Variants in QRICH1 observed in about 807,000 individuals in gnomAD.
QRICH1 encodes glutamine rich 1.
QRICH1 carries 16 observed loss-of-function variants against 87.1 expected under a neutral mutation model. The ratio of observed to expected loss-of-function variants is 0.18; its 90% confidence interval spans 0.12 to 0.28. QRICH1 has a LOEUF of 0.28. QRICH1 is among the 10% of genes least tolerant of loss of function. The pLI is 1.00. For synonymous variants in QRICH1, 367 were observed against 368.4 expected (o/e 1.00, Z 0.05); for missense variants, 647 against 951.7 (o/e 0.68, Z 4.21).
At chr3:49,063,200 A>G (rs1168883795) in intron 2 of QRICH1, among the ~76,000 whole-genome samples, 3 of 152,180 alleles carry the variant, frequency 2.0e-5, no homozygotes, top group Non-Finnish European at 1.5e-5. Context: ...AGGTGTTCAA[A>G]TAAGTAGGTT....
chr3:49,037,852 G>A (rs983229876), intron 6 of QRICH1, among the ~76,000 whole-genome samples: 7 of 151,834 alleles, frequency 4.6e-5, no homozygotes, highest in Non-Finnish European at 8.8e-5. Context: ...GATGGTGCGC[G>A]CCTGTAATCC....
chr3:49,087,818 C>CAAAAAAAAAAAAAAAA lies in QRICH1; in HGVS notation c.-22+6078_-22+6093dup, dbSNP rs58022360. Among the ~76,000 whole-genome samples the CAAAAAAAAAAAAAAAA allele has an allele frequency of 5.2e-3, 247 of 47,666 alleles. 35 individuals are homozygous for CAAAAAAAAAAAAAAAA. Among genetic ancestry groups the CAAAAAAAAAAAAAAAA allele is most frequent in the South Asian group, 0.019 (10 of 536 alleles). 31.3% of individuals were successfully genotyped at this position (47,666 alleles called of 152,430 possible). ...GAACTCAGGAGGCGGAGGTTCATCT[C>CAAAAAAAAAAAAAAAA]AAAAAAAAAAAAAAAAAAAAAGAAC... On this transcript the variant is annotated intron_variant, in intron 1 of 9. Transcript: ENST00000395443.
intron 3 of QRICH1, among the ~76,000 whole-genome samples, chr3:49,049,004 C>T (rs574332510): frequency 3.3e-5 from 5 of 150,886 alleles, no homozygotes; most frequent in African/African-American, 1.2e-4. Context: ...CAGGTTCAAA[C>T]GATTCTCCTT....
At chr3:49,092,071 C>CAA (rs35876222) in intron 1 of QRICH1, among the ~76,000 whole-genome samples, 4 of 99,320 alleles carry the variant, frequency 4.0e-5, no homozygotes, top group African/African-American at 1.1e-4. Context: ...GACTCCGTCT[C>CAA]AAAAAAAAAA....
intron 1 of QRICH1, among the ~76,000 whole-genome samples, chr3:49,087,818 CAAAA>C (rs58022360): frequency 0.017 from 795 of 47,688 alleles, 16 homozygotes; most frequent in African/African-American, 0.065. Context: ...AGGTTCATCT[CAAAA>C]AAAAAAAAAA....
At chr3:49,079,299 G>A (rs2042012388) in intron 1 of QRICH1, among the ~76,000 whole-genome samples, 1 of 151,864 alleles carries the variant, frequency 6.6e-6, no homozygotes, top group Non-Finnish European at 1.5e-5. Flanking sequence ...GTGCACACAT[G>A]TAGTCTCAGC....
rs185166322 is a variant in QRICH1, at chr3:49,048,578, A to G, written c.1339-1332T>C. Among the ~76,000 whole-genome samples, 892 of 151,214 alleles carry G rather than the reference A, an allele frequency of 5.9e-3. 15 individuals carry two copies. The highest frequency in any genetic ancestry group is 3.9e-3 in the Non-Finnish European group (261 of 67,762). On this transcript the variant is annotated intron_variant, in intron 3 of 9. Coordinates refer to ENST00000395443, the MANE Select transcript of QRICH1 (RefSeq NM_198880.3). Reference sequence around the variant, plus strand: ...CCGAGGTGGGTGGATCACGAGGTCAAGAGACTGAGACCATCCTGGCTAACA... The same window carrying G: ...CCGAGGTGGGTGGATCACGAGGTCAGGAGACTGAGACCATCCTGGCTAACA...
chr3:49,057,368 T>G lies in QRICH1; in HGVS notation c.832A>C (p.Ser278Arg). The G allele has an allele frequency of 6.2e-7, 1 of 1,614,134 alleles. No homozygotes were observed. The highest frequency in any genetic ancestry group is 8.5e-7 in the Non-Finnish European group (1 of 1,180,024). The change falls in exon 3 of 10, where the codon AGT becomes CGT. Residue 278 changes from serine to arginine, a missense_variant. Coordinates refer to ENST00000395443, the MANE Select transcript of QRICH1 (RefSeq NM_198880.3). This position sits in a 1 kb window ranked among gnomAD's most constrained non-coding sequence, Gnocchi z 5.4. ...VLAIPQGQQQ[S>R]YVSLRPDLLT... ...AAGTCTGGCCTCAAAGACACATAAC[T>G]CTGCTGCTGGCCCTGTGGAATGGCC...
intron 6 of QRICH1, among the ~76,000 whole-genome samples, chr3:49,038,079 T>A (rs1057190309): frequency 2.7e-5 from 4 of 150,730 alleles, no homozygotes; most frequent in Admixed American, 6.6e-5. Flanking sequence ...TTTTTTTTTT[T>A]AAAACAGAGT....
At chr3:49,086,492 C>T (rs540595774) in intron 1 of QRICH1, among the ~76,000 whole-genome samples, 4 of 152,176 alleles carry the variant, frequency 2.6e-5, no homozygotes, top group South Asian at 2.1e-4. Context: ...CTCCTGACCT[C>T]GTGATCCTCA....
At chr3:49,080,282 C>T (rs908972021) in intron 1 of QRICH1, among the ~76,000 whole-genome samples, 2 of 152,028 alleles carry the variant, frequency 1.3e-5, no homozygotes, top group Non-Finnish European at 2.9e-5. Flanking sequence ...CAGTTGCATT[C>T]ACATAATATA....
intron 1 of QRICH1, among the ~76,000 whole-genome samples, chr3:49,087,541 T>G (rs1207355101): frequency 6.6e-6 from 1 of 150,852 alleles, no homozygotes; most frequent in Non-Finnish European, 1.5e-5. Context: ...CAAGACTCCA[T>G]CTCAAAAAAT....
At chr3:49,090,217 T>A (rs2042247447) in intron 1 of QRICH1, among the ~76,000 whole-genome samples, 1 of 152,098 alleles carries the variant, frequency 6.6e-6, no homozygotes, top group Non-Finnish European at 1.5e-5. Context: ...CCCAGCACTG[T>A]GGGAGGCCGA....
In QRICH1 at chr3:49,057,742, G is replaced by C; in HGVS notation, c.458C>G (p.Thr153Ser). The C allele has an allele frequency of 6.2e-7, 1 of 1,614,208 alleles. No homozygotes were observed. Among genetic ancestry groups the C allele is most frequent in the Non-Finnish European group, 8.5e-7 (1 of 1,180,034 alleles). Residue 153 changes from threonine (T) to serine (S), a missense_variant, in exon 3 of 10, where the codon ACC (threonine) becomes AGC (serine). By Grantham distance (58) the Thr-to-Ser change is moderately conservative. Coordinates refer to ENST00000395443, the MANE Select transcript of QRICH1 (RefSeq NM_198880.3). The surrounding 1 kb of genome is among the most constrained non-coding windows in gnomAD (Gnocchi z 5.4). ...APQSAAPSIQ[T>S]PSLQSPSPSQ... The stretch of plus-strand genomic sequence containing the variant: ...GGGACTGGGACTCTGCAGAGACGGG[G>C]TCTGAATGGAGGGGGCTGCTGACTG...
At position 49,057,176 on chromosome 3, in the gene QRICH1, C is replaced by G; in HGVS notation, c.1024G>C (p.Val342Leu). 6.2e-7 allele frequency: 1 copy of G among 1,614,202 alleles called. No individual in the cohort carries two copies. The highest frequency in any genetic ancestry group is 8.5e-7 in the Non-Finnish European group (1 of 1,180,044). The change falls in exon 3 of 10, where the codon GTC (valine) becomes CTC (leucine). Residue 342 changes from valine (V) to leucine (L), a missense_variant. This residue lies in a region of QRICH1 where 115 missense variants were observed against 126.8 expected (regional missense o/e 0.91). Transcript: ENST00000395443. The surrounding 1 kb of genome is among the most constrained non-coding windows in gnomAD (Gnocchi z 5.4). ...IPQEAYNAVH[V>L]SGSPTALAAV... ...GCCAGGGCTGTGGGTGAGCCACTGACGTGAACTGCGTTGTAGGCTTCCTGG... is the reference window on the plus strand; with the variant it reads ...GCCAGGGCTGTGGGTGAGCCACTGAGGTGAACTGCGTTGTAGGCTTCCTGG...
At chr3:49,084,409 C>A (rs1041468817) in intron 1 of QRICH1, among the ~76,000 whole-genome samples, 2 of 151,962 alleles carry the variant, frequency 1.3e-5, no homozygotes, top group Non-Finnish European at 2.9e-5. Context: ...GCACCCGCCA[C>A]CATGCCCAGC....
chr3:49,049,897 C>T (rs2106876228), intron 3 of QRICH1, among the ~76,000 whole-genome samples: 1 of 152,182 alleles, frequency 6.6e-6, no homozygotes, highest in East Asian at 1.9e-4. Context: ...AACTGAGTCA[C>T]CACATGTTCA....
At chr3:49,074,136 G>A (rs1250223145) in intron 2 of QRICH1, among the ~76,000 whole-genome samples, 1 of 152,146 alleles carries the variant, frequency 6.6e-6, no homozygotes, top group African/African-American at 2.4e-5. Context: ...CGTAATCTGA[G>A]TTATGGAATC....
intron 2 of QRICH1, among the ~76,000 whole-genome samples, chr3:49,065,093 A>G (rs994260200): frequency 2.6e-5 from 4 of 152,194 alleles, no homozygotes; most frequent in Admixed American, 1.3e-4. Flanking sequence ...TATTTGCCAA[A>G]ATAATTATAA....
Sources: allele counts gnomAD v4.1 joint callset (sites outside exome capture counted in the v4.1 genomes callset), GRCh38; gene constraint gnomAD v4.1.1; regional missense constraint gnomAD v4.1.1; non-coding constraint Gnocchi (gnomAD v3.1); transcripts MANE v1.5; gene names NCBI Gene and HGNC (gene_info 2026-07-23, HGNC 2026-07-21).